PNPT1: variants seen among roughly 807,000 people sequenced by gnomAD.
PNPT1 encodes polyribonucleotide nucleotidyltransferase 1, also known as polyribonucleotide nucleotidyltransferase 1, mitochondrial.
Under a neutral mutation model 119.5 loss-of-function variants are expected in PNPT1, and 53 were observed. The ratio of observed to expected loss-of-function variants is 0.44; its 90% CI spans 0.36 to 0.56. PNPT1 has a LOEUF of 0.56. PNPT1 is among the 20% of genes least tolerant of loss of function. PNPT1 has a pLI of 0.00. For missense variants in PNPT1, 948 were observed against 938.5 expected (o/e 1.01, Z -0.13); for synonymous variants, 357 against 322.1 (o/e 1.11, Z -1.16).
chr2:55,638,292 ACT>A (rs1194627147), intron 26 of PNPT1, among the ~76,000 whole-genome samples: 4 of 128,212 alleles, frequency 3.1e-5, no homozygotes, highest in East Asian at 2.1e-4. Flanking sequence ...ACAGAGTCAG[ACT>A]CTGTCTCAGA....
At chr2:55,673,449 T>A (rs1696974209) in intron 8 of PNPT1, among the ~76,000 whole-genome samples, 1 of 151,668 alleles carries the variant, frequency 6.6e-6, no homozygotes, top group Non-Finnish European at 1.5e-5. Context: ...TTGTTTTTAA[T>A]ACTTTTTTTT....
At chr2:55,656,834 T>C (rs567665756) in intron 15 of PNPT1, among the ~76,000 whole-genome samples, 12 of 152,182 alleles carry the variant, frequency 7.9e-5, no homozygotes, top group South Asian at 2.1e-4. Context: ...TGAAACAAAA[T>C]ACATGAATGG....
intron 8 of PNPT1, among the ~76,000 whole-genome samples, chr2:55,673,506 T>C (rs1696976214): frequency 6.6e-6 from 1 of 151,790 alleles, no homozygotes; most frequent in Non-Finnish European, 1.5e-5. Context: ...TGGAGTGCAG[T>C]GGCGCAATCT....
chr2:55,659,291 A>C (rs756979072), intron 15 of PNPT1, among the ~76,000 whole-genome samples: 1 of 152,190 alleles, frequency 6.6e-6, no homozygotes, highest in African/African-American at 2.4e-5. Context: ...AATTAAAAGT[A>C]CTTTATATTA....
intron 11 of PNPT1, among the ~76,000 whole-genome samples, chr2:55,670,197 AT>A (rs1054553542): frequency 4.1e-4 from 62 of 150,222 alleles, no homozygotes; most frequent in African/African-American, 1.4e-3. Context: ...TTATTTATTT[AT>A]TTTTTTGAGA....
Position 55,686,290 on chromosome 2 carries a change from T to C in PNPT1, c.297+80A>G. On this transcript the variant is annotated intron_variant, in intron 3 of 27. Coordinates refer to ENST00000447944, the MANE Select transcript of PNPT1 (RefSeq NM_033109.5). ...GTGCAAGTTTGTATTTTCCACTCAC[T>C]AGACACTGGACAAAAATATTATACA... The C allele has an allele frequency of 2.2e-6, 3 of 1,347,068 alleles. No individual in the cohort carries two copies. In the South Asian group the frequency reaches 3.9e-5, roughly 18 times the overall value. The allele number at this position is 1,347,068 out of a possible 1,614,324, so 83.4% of individuals were successfully genotyped here.
At chr2:55,662,995 C>G (rs1696625733) in intron 13 of PNPT1, among the ~76,000 whole-genome samples, 1 of 151,978 alleles carries the variant, frequency 6.6e-6, no homozygotes, top group Non-Finnish European at 1.5e-5. Flanking sequence ...ATTCTCCTAC[C>G]TCAGCCTCCT....
intron 5 of PNPT1, among the ~76,000 whole-genome samples, chr2:55,682,519 G>A (rs571680714): frequency 8.4e-4 from 128 of 152,006 alleles, no homozygotes; most frequent in Non-Finnish European, 1.5e-3. Flanking sequence ...CTGCAATAAC[G>A]TGCCCATGTC....
At chr2:55,669,908 G>A (rs1056448508) in intron 11 of PNPT1, among the ~76,000 whole-genome samples, 1 of 151,826 alleles carries the variant, frequency 6.6e-6, no homozygotes, top group South Asian at 2.1e-4. Flanking sequence ...ACAGGAGCCT[G>A]CCACCATGCC....
chr2:55,680,965 T>A, intron 5 of PNPT1, 47 bp from the exon 6 acceptor site: 2 of 1,469,244 alleles, frequency 1.4e-6, no homozygotes, highest in Non-Finnish European at 1.9e-6. Flanking sequence ...TCATTTAGGT[T>A]AACATCCTGA....
chr2:55,691,876 ATATTTTTT>A (rs1274474034), intron 1 of PNPT1, among the ~76,000 whole-genome samples: 17 of 18,516 alleles, frequency 9.2e-4, no homozygotes, highest in African/African-American at 2.8e-3. Context: ...ATATATATAT[ATATTTTTT>A]TTTTTTTTTT....
chr2:55,684,998 A>G lies in PNPT1; in HGVS notation c.348T>C (p.Tyr116=), dbSNP rs763866269. ...AAAAGRIPTN[Y]LRREIGTSDK... Reference sequence around the variant, plus strand: ...CAGAAGTACCAATCTCTCTTCTCAGATAGTTTGTGGGAATTCTACCTGCTG... The same window carrying G: ...CAGAAGTACCAATCTCTCTTCTCAGGTAGTTTGTGGGAATTCTACCTGCTG... Residue 116 remains tyrosine (Y), a synonymous_variant, in exon 4 of 28, where the codon TAT becomes TAC. Coordinates refer to ENST00000447944, the MANE Select transcript of PNPT1 (RefSeq NM_033109.5). 2.5e-6 allele frequency: 4 copies of G among 1,595,222 alleles called. No homozygotes were observed. The South Asian group carries it at 4.5e-5, about 18-fold the overall frequency.
Position 55,684,970 on chromosome 2 carries a change from T to C in PNPT1, c.376A>G (p.Lys126Glu), listed in dbSNP as rs1475386993. The stretch of plus-strand genomic sequence containing the variant: ...ATTATTCGACTTGTTAGAATTTCTT[T>C]ATCAGAAGTACCAATCTCTCTTCTC... ...YLRREIGTSD[K>E]EILTSRIIDR... Residue 126 changes from lysine to glutamate, a missense_variant, in exon 4 of 28, where the codon AAA (lysine) becomes GAA (glutamate). Coordinates refer to ENST00000447944, the MANE Select transcript of PNPT1 (RefSeq NM_033109.5). 1.3e-6 allele frequency: 2 copies of C among 1,588,344 alleles called. No homozygotes were observed. Among genetic ancestry groups the C allele is most frequent in the Middle Eastern group, 1.7e-4 (1 of 5,934 alleles).
At chr2:55,685,928 G>A (rs1056446374) in intron 3 of PNPT1, among the ~76,000 whole-genome samples, 9 of 152,068 alleles carry the variant, frequency 5.9e-5, no homozygotes, top group Admixed American at 2.0e-4. Context: ...ACCGTATTGC[G>A]TAGGGAATGA....
intron 23 of PNPT1, among the ~76,000 whole-genome samples, chr2:55,643,879 C>G (rs1432054255): frequency 1.3e-5 from 2 of 152,158 alleles, no homozygotes; most frequent in African/African-American, 4.8e-5. Flanking sequence ...ATTCATTCAT[C>G]AACAAATACA....
At chr2:55,641,083 G>C (rs1211571729) in intron 25 of PNPT1, among the ~76,000 whole-genome samples, 2 of 151,828 alleles carry the variant, frequency 1.3e-5, no homozygotes, top group Admixed American at 6.6e-5. Context: ...AATTAGCTGG[G>C]CCTGGTGGCG....
At chr2:55,692,915 C>T (rs1026962074) in intron 1 of PNPT1, among the ~76,000 whole-genome samples, 1 of 151,998 alleles carries the variant, frequency 6.6e-6, no homozygotes, top group Non-Finnish European at 1.5e-5. Flanking sequence ...CTCTTTGCAT[C>T]GATCTTTGCT....
intron 1 of PNPT1, among the ~76,000 whole-genome samples, chr2:55,692,688 T>C (rs752423967): frequency 1.3e-4 from 20 of 152,184 alleles, no homozygotes; most frequent in Admixed American, 6.5e-4. Context: ...AATAGTACCT[T>C]TACGACAGGT....
At position 55,667,881 on chromosome 2, in the gene PNPT1, C is replaced by G; in HGVS notation, c.1054G>C (p.Val352Leu). The change falls in exon 12 of 28, where the codon GTT (valine) becomes CTT (leucine). Residue 352 changes from valine (V) to leucine (L), a missense_variant. Val to Leu is a conservative substitution (Grantham distance 32). Coordinates refer to ENST00000447944, the MANE Select transcript of PNPT1 (RefSeq NM_033109.5). ...VVAKEVFRSI[V>L]LNEYKRCDGR... Reference sequence around the variant, plus strand: ...GTTTACCTTTTGTATTCATTCAAAACAATACTTCTAAAAACTTCCTTTGCA... The same window carrying G: ...GTTTACCTTTTGTATTCATTCAAAAGAATACTTCTAAAAACTTCCTTTGCA... 6.3e-7 allele frequency: 1 copy of G among 1,595,968 alleles called. No individual in the cohort carries two copies. The highest frequency in any genetic ancestry group is 8.5e-7 in the Non-Finnish European group (1 of 1,174,892).
Sources: allele counts gnomAD v4.1 joint callset (sites outside exome capture counted in the v4.1 genomes callset), GRCh38; gene constraint gnomAD v4.1.1; transcripts MANE v1.5; gene names NCBI Gene and HGNC (gene_info 2026-07-23, HGNC 2026-07-21).